The following ZMAT4 variants were observed in gnomAD, a reference collection of about 807,000 sequenced individuals.
ZMAT4 encodes the protein zinc finger matrin-type protein 4.
In ZMAT4, 17 loss-of-function variants were observed where a neutral mutation model predicts 28.7. The observed-to-expected ratio is 0.59, with a 90% CI of 0.41 to 0.89. The LOEUF is 0.89. Ranked by LOEUF, ZMAT4 falls within the 40% of genes least tolerant of loss-of-function variation. ZMAT4 has a pLI of 0.00. For synonymous variants in ZMAT4, 117 were observed against 109.2 expected (o/e 1.07, Z -0.44); for missense variants, 240 against 283.8 (o/e 0.85, Z 1.11).
intron 1 of ZMAT4, among the ~76,000 whole-genome samples, chr8:40,859,327 A>G (rs755633928): frequency 6.6e-6 from 1 of 152,108 alleles, no homozygotes; most frequent in Non-Finnish European, 1.5e-5. Context: ...TCACAAAATG[A>G]AAGGCAATGC....
intron 3 of ZMAT4, among the ~76,000 whole-genome samples, chr8:40,709,188 C>T (rs574432628): frequency 2.0e-5 from 3 of 152,196 alleles, no homozygotes; most frequent in South Asian, 2.1e-4. Flanking sequence ...AATATAAATG[C>T]TATGCTAATA....
intron 6 of ZMAT4, among the ~76,000 whole-genome samples, chr8:40,573,389 G>T (rs1202980729): frequency 1.3e-5 from 2 of 152,070 alleles, no homozygotes; most frequent in Non-Finnish European, 2.9e-5. Context: ...CCAGTTCCTG[G>T]TGATTCCTTG....
chr8:40,660,763 C>A (rs1041969556), intron 5 of ZMAT4, among the ~76,000 whole-genome samples: 1 of 152,124 alleles, frequency 6.6e-6, no homozygotes, highest in South Asian at 2.1e-4. Flanking sequence ...TGATAATGGC[C>A]AGCAGCAGAA....
intron 4 of ZMAT4, among the ~76,000 whole-genome samples, chr8:40,675,405 C>A (rs977765917): frequency 1.3e-5 from 2 of 151,714 alleles, no homozygotes; most frequent in African/African-American, 4.9e-5. Flanking sequence ...CTCAATGAGC[C>A]AGGTAAAACT....
In ZMAT4 at chr8:40,737,406, G is replaced by A. The variant is rs544774500; in HGVS notation, c.192+30235C>T. On this transcript the variant is annotated intron_variant, in intron 3 of 6. Coordinates refer to ENST00000297737, the MANE Select transcript of ZMAT4 (RefSeq NM_024645.3). The stretch of plus-strand genomic sequence containing the variant: ...AGAATTTGAAAGAAGAGCAATGGAA[G>A]GCAAGCCAGCCACAGAGAATGAAGT... Among the ~76,000 whole-genome samples the A allele has an allele frequency of 3.5e-4, 53 of 152,096 alleles. 1 individual carries two copies. Among genetic ancestry groups the A allele is most frequent in the Non-Finnish European group, 6.3e-4 (43 of 68,006 alleles).
intron 1 of ZMAT4, among the ~76,000 whole-genome samples, chr8:40,873,584 A>C (rs572444523): frequency 2.0e-5 from 3 of 152,136 alleles, no homozygotes; most frequent in Non-Finnish European, 4.4e-5. Flanking sequence ...CTCCTTCAAG[A>C]GGTTGATTCC....
At chr8:40,650,275 C>T (rs1807573818) in intron 5 of ZMAT4, among the ~76,000 whole-genome samples, 1 of 151,844 alleles carries the variant, frequency 6.6e-6, no homozygotes, top group Non-Finnish European at 1.5e-5. Flanking sequence ...ATACAAACTA[C>T]CATCAGAGAA....
At chr8:40,858,678 C>T (rs942608208) in intron 1 of ZMAT4, among the ~76,000 whole-genome samples, 1 of 152,136 alleles carries the variant, frequency 6.6e-6, no homozygotes, top group Non-Finnish European at 1.5e-5. Context: ...CCATACCCCT[C>T]GGTTCACAGG....
At chr8:40,582,371 A>T (rs1412943222) in intron 5 of ZMAT4, among the ~76,000 whole-genome samples, 1 of 152,206 alleles carries the variant, frequency 6.6e-6, no homozygotes, top group South Asian at 2.1e-4. Flanking sequence ...ATGGTGGCAC[A>T]CACCTGTAGT....
intron 5 of ZMAT4, among the ~76,000 whole-genome samples, chr8:40,648,535 C>T (rs2118801709): frequency 6.8e-6 from 1 of 146,856 alleles, no homozygotes; most frequent in South Asian, 2.3e-4. Flanking sequence ...CCCAATCTAG[C>T]AAGGCAGGCC....
chr8:40,820,605 CATGTGTGTGT>C (rs957601915), intron 2 of ZMAT4, among the ~76,000 whole-genome samples: 9 of 34,990 alleles, frequency 2.6e-4, no homozygotes, highest in African/African-American at 7.4e-4. Context: ...TGTGGGAGTG[CATGTGTGTGT>C]ATGTGTGTGT....
chr8:40,716,410 G>A (rs1166159732), intron 3 of ZMAT4, among the ~76,000 whole-genome samples: 1 of 152,150 alleles, frequency 6.6e-6, no homozygotes, highest in East Asian at 1.9e-4. Flanking sequence ...AGTCAGTTTG[G>A]GCCAGGCACA....
At chr8:40,702,910 G>A (rs1330441759) in intron 3 of ZMAT4, among the ~76,000 whole-genome samples, 1 of 152,162 alleles carries the variant, frequency 6.6e-6, no homozygotes, top group Non-Finnish European at 1.5e-5. Flanking sequence ...GAGTAATGGA[G>A]CGATGGAAAA....
At chr8:40,615,948 C>A (rs1452159966) in intron 5 of ZMAT4, among the ~76,000 whole-genome samples, 1 of 152,114 alleles carries the variant, frequency 6.6e-6, no homozygotes, top group Non-Finnish European at 1.5e-5. Flanking sequence ...AGTGAACAGG[C>A]AACCTACAAA....
intron 6 of ZMAT4, among the ~76,000 whole-genome samples, chr8:40,547,468 C>G (rs1167701346): frequency 6.6e-6 from 1 of 152,116 alleles, no homozygotes; most frequent in Admixed American, 6.5e-5. Context: ...GACCTTGGGG[C>G]CAGACAGATT....
At chr8:40,596,290 C>T (rs1350442128) in intron 5 of ZMAT4, among the ~76,000 whole-genome samples, 1 of 152,082 alleles carries the variant, frequency 6.6e-6, no homozygotes, top group Non-Finnish European at 1.5e-5. Context: ...TACGCTTAGG[C>T]TACGCTAAAT....
intron 3 of ZMAT4, among the ~76,000 whole-genome samples, chr8:40,723,124 C>A (rs958623274): frequency 1.3e-5 from 2 of 152,108 alleles, no homozygotes; most frequent in African/African-American, 2.4e-5. Context: ...GAACTGTAAC[C>A]CCCAGAGCAT....
intron 1 of ZMAT4, among the ~76,000 whole-genome samples, chr8:40,861,952 A>G (rs1468845503): frequency 6.6e-6 from 1 of 152,240 alleles, no homozygotes; most frequent in African/African-American, 2.4e-5. Context: ...AGAAATAGGA[A>G]CACTTTTATA....
chr8:40,785,051 T>A (rs1359474235), intron 2 of ZMAT4, among the ~76,000 whole-genome samples: 4 of 152,226 alleles, frequency 2.6e-5, no homozygotes, highest in Admixed American at 6.5e-5. Flanking sequence ...TATGTTTTCC[T>A]CGCACCCAAG....
Sources: allele counts gnomAD v4.1 joint callset (sites outside exome capture counted in the v4.1 genomes callset), GRCh38; gene constraint gnomAD v4.1.1; transcripts MANE v1.5; gene names NCBI Gene and HGNC (gene_info 2026-07-23, HGNC 2026-07-21).